Variants in SLC2A9 observed in about 807,000 individuals in gnomAD.
The protein encoded by SLC2A9 is solute carrier family 2, facilitated glucose transporter member 9.
A neutral mutation model predicts 50.6 loss-of-function variants in SLC2A9; 39 were observed. That is an observed-to-expected ratio of 0.77 (90% confidence interval 0.60 to 1.01). The LOEUF is 1.01. Ranked by LOEUF, SLC2A9 falls within the 50% of genes least tolerant of loss-of-function variation. The probability of loss-of-function intolerance (pLI) is 0.00; values close to 1 mark genes in which losing one functional copy is unlikely to be tolerated. For missense variants in SLC2A9, 686 were observed against 677.6 expected (o/e 1.01, Z -0.14); for synonymous variants, 324 against 276.9 (o/e 1.17, Z -1.69).
upstream of SLC2A9, among the ~76,000 whole-genome samples, chr4:10,023,572 G>A (rs545115720): frequency 6.6e-6 from 1 of 152,358 alleles, no homozygotes; most frequent in East Asian, 1.9e-4. Flanking sequence ...AAATTAGGCA[G>A]TGGACATGAA....
intron 10 of SLC2A9, among the ~76,000 whole-genome samples, chr4:9,851,207 C>T (rs1327960885): frequency 6.6e-6 from 1 of 152,202 alleles, no homozygotes; most frequent in African/African-American, 2.4e-5. Context: ...AACACCTCGG[C>T]CCATTCAGCG....
At chr4:9,937,383 C>A (rs944104011) in intron 6 of SLC2A9, among the ~76,000 whole-genome samples, 1 of 152,194 alleles carries the variant, frequency 6.6e-6, no homozygotes. Flanking sequence ...CCTGTCCCAA[C>A]AAGTTCTCTC....
chr4:9,836,061 C>T (rs1214217115), intron 10 of SLC2A9, among the ~76,000 whole-genome samples: 1 of 120,084 alleles, frequency 8.3e-6, no homozygotes, highest in Non-Finnish European at 1.6e-5. Flanking sequence ...GCACACCAGC[C>T]TGGGCAACAA....
At chr4:9,843,839 T>A (rs1007752193) in intron 10 of SLC2A9, among the ~76,000 whole-genome samples, 7 of 152,210 alleles carry the variant, frequency 4.6e-5, no homozygotes, top group African/African-American at 1.7e-4. Context: ...TCCTGGCTCC[T>A]GGATCCCATG....
chr4:9,866,700 C>T (rs1454739042), intron 10 of SLC2A9, among the ~76,000 whole-genome samples: 2 of 152,164 alleles, frequency 1.3e-5, no homozygotes, highest in Non-Finnish European at 2.9e-5. Context: ...GTGAGGAAAG[C>T]AGTGGCAGCC....
At chr4:9,955,211 G>GTTCAA (rs1205994914) in intron 5 of SLC2A9, among the ~76,000 whole-genome samples, 3 of 48,436 alleles carry the variant, frequency 6.2e-5, no homozygotes, top group African/African-American at 3.2e-4. Flanking sequence ...ACTCCAAGTC[G>GTTCAA]GCCGGGCGCG....
intron 5 of SLC2A9, among the ~76,000 whole-genome samples, chr4:9,951,780 G>A (rs1439005405): frequency 6.6e-6 from 1 of 152,228 alleles, no homozygotes; most frequent in African/African-American, 2.4e-5. Context: ...ATGGAAAAAG[G>A]TGGTATGAAA....
rs549642411 is a variant in SLC2A9, at chr4:9,941,931, C to T, written c.796G>A (p.Glu266Lys). The T allele has an allele frequency of 2.5e-5, 41 of 1,614,082 alleles. No homozygotes were observed. Among genetic ancestry groups the T allele is most frequent in the Admixed American group, 8.3e-5 (5 of 60,022 alleles). Residue 266 changes from glutamate (E) to lysine (K), a missense_variant, in exon 6 of 12, where the codon GAG becomes AAG. Transcript: ENST00000264784. ...PRYLLLEKHNEARAVKAFQTF... is the reference protein window; with the variant it reads ...PRYLLLEKHNKARAVKAFQTF... ...CCCTCACCTTTCACAGCTCTTGCCTCGTTGTGCTTCTCCAAGAGCAGGTAG... is the reference window on the plus strand; with the variant it reads ...CCCTCACCTTTCACAGCTCTTGCCTTGTTGTGCTTCTCCAAGAGCAGGTAG...
At chr4:9,920,614 G>A (rs1215295373) in intron 6 of SLC2A9, 42 bp from the exon 7 acceptor site, 1 of 1,611,376 alleles carries the variant, frequency 6.2e-7, no homozygotes, top group Middle Eastern at 1.7e-4. Context: ...AGGGATTAGA[G>A]TGTCCATCAT....
rs572155270 is a variant in SLC2A9 at position 9,930,964 on chromosome 4, T to C, written c.815-10392A>G. On this transcript the variant is annotated intron_variant, in intron 6 of 11. Transcript: ENST00000264784. ...GAACCCCAGATGTGTGCAGGCTGTG[T>C]AGATGATTGGAAGGAGATGGGGCAA... 2.0e-5 allele frequency among the ~76,000 whole-genome samples: 3 copies of C among 152,050 alleles called. No homozygotes were observed. In the East Asian group the frequency reaches 5.8e-4, roughly 29 times the overall value.
intron 6 of SLC2A9, among the ~76,000 whole-genome samples, chr4:9,930,284 T>C (rs1745662367): frequency 6.6e-6 from 1 of 152,210 alleles, no homozygotes; most frequent in African/African-American, 2.4e-5. Context: ...GTGTTGCAAG[T>C]TTAGCAAATG....
chr4:9,993,263 A>G (rs1448960841), intron 3 of SLC2A9, among the ~76,000 whole-genome samples: 1 of 152,238 alleles, frequency 6.6e-6, no homozygotes, highest in East Asian at 1.9e-4. Context: ...AGACGGAAGA[A>G]CCAGATCCAA....
At chr4:10,002,505 T>C (rs1181731524) in intron 2 of SLC2A9, among the ~76,000 whole-genome samples, 1 of 152,196 alleles carries the variant, frequency 6.6e-6, no homozygotes. Context: ...CTTGAACTTA[T>C]GATTAAGATG....
rs114643612 is a variant in SLC2A9 at position 10,017,271 on chromosome 4, G to A, written c.249+1704C>T. On this transcript the variant is annotated intron_variant, in intron 2 of 11. Coordinates refer to ENST00000264784, the MANE Select transcript of SLC2A9 (RefSeq NM_020041.3). ...CCAGGTGTAAGTTTCACATAACTCTGCTCCACAAGCCATGAGTGCAAAGGT... is the reference window on the plus strand; with the variant it reads ...CCAGGTGTAAGTTTCACATAACTCTACTCCACAAGCCATGAGTGCAAAGGT... Among the ~76,000 whole-genome samples, 564 of 152,300 alleles carry A rather than the reference G, an allele frequency of 3.7e-3. 6 individuals carry two copies. Among genetic ancestry groups the A allele is most frequent in the African/African-American group, 0.012 (508 of 41,558 alleles).
upstream of SLC2A9, among the ~76,000 whole-genome samples, chr4:10,022,366 T>C (rs1267162461): frequency 6.6e-6 from 1 of 152,234 alleles, no homozygotes. Context: ...AGAAAAAGAA[T>C]TTGCCTCTTA....
intron 3 of SLC2A9, among the ~76,000 whole-genome samples, chr4:9,781,349 C>T (rs1282619867): frequency 6.6e-6 from 1 of 152,248 alleles, no homozygotes; most frequent in Admixed American, 6.5e-5. Context: ...GAAGCCCTCG[C>T]GTCCTCATCC....
chr4:9,828,995 C>G (rs1725588108), intron 11 of SLC2A9, among the ~76,000 whole-genome samples: 1 of 152,160 alleles, frequency 6.6e-6, no homozygotes, highest in African/African-American at 2.4e-5. Context: ...ACAAACAGGG[C>G]TTCCTAGGAC....
chr4:9,809,454 C>T (rs1347344885), intron 3 of SLC2A9, among the ~76,000 whole-genome samples: 1 of 152,146 alleles, frequency 6.6e-6, no homozygotes, highest in Non-Finnish European at 1.5e-5. Flanking sequence ...CCACAGGGCG[C>T]CTGACTCTAG....
upstream of SLC2A9, chr4:10,021,523 G>T: frequency 6.3e-7 from 1 of 1,579,592 alleles, no homozygotes; most frequent in East Asian, 2.3e-5. Context: ...ACTGGAAGGA[G>T]GGCGGGAGTT....
Sources: gnomAD v4.1 joint callset for allele counts (sites outside exome capture counted in the v4.1 genomes callset) on GRCh38, gnomAD v4.1.1 for gene constraint, MANE v1.5 for transcripts, NCBI Gene and HGNC (gene_info 2026-07-23, HGNC 2026-07-21) for gene names.